The following COL11A1 variants were observed in gnomAD, a reference collection of about 807,000 sequenced individuals.
COL11A1 encodes collagen type XI alpha 1 chain, also known as collagen alpha-1(XI) chain.
COL11A1 carries 74 observed loss-of-function variants against 265.2 expected under a neutral mutation model. That is an observed-to-expected ratio of 0.28 (90% CI 0.23 to 0.34). The LOEUF is 0.34. Among genes scored for constraint, COL11A1 ranks in the 10% least tolerant of loss-of-function variants. COL11A1 has a pLI of 1.00. For synonymous variants in COL11A1, 816 were observed against 727.6 expected (o/e 1.12, Z -1.96); for missense variants, 2,165 against 2,263.6 (o/e 0.96, Z 0.88).
chr1:102,983,932 T>C (rs761644306), intron 31 of COL11A1, among the ~76,000 whole-genome samples: 28 of 152,120 alleles, frequency 1.8e-4, no homozygotes, highest in Non-Finnish European at 5.9e-5. Flanking sequence ...TCATGATTCC[T>C]TCTCCTAAAA....
rs1045211301 is a variant in COL11A1 at position 102,913,470 on chromosome 1, T to G, written c.4032+167A>C. ...TTTACATCAAATAAGAAACACTCCA[T>G]GTAAGATTGATTTTTAATGGGAATT... On this transcript the variant is annotated intron_variant, in intron 53 of 66. Coordinates refer to ENST00000370096, the MANE Select transcript of COL11A1 (RefSeq NM_001854.4). Among the ~76,000 whole-genome samples, 72 of 152,162 alleles carry G rather than the reference T, an allele frequency of 4.7e-4. 1 individual carries two copies. Among genetic ancestry groups the G allele is most frequent in the Non-Finnish European group, 8.8e-5 (6 of 68,020 alleles).
At chr1:103,063,072 C>A (rs962610724) in intron 4 of COL11A1, among the ~76,000 whole-genome samples, 1 of 151,928 alleles carries the variant, frequency 6.6e-6, no homozygotes, top group Non-Finnish European at 1.5e-5. Flanking sequence ...TATCGAACAA[C>A]TTTAAAAATA....
At chr1:102,928,273 C>G (rs1365917628) in intron 46 of COL11A1, among the ~76,000 whole-genome samples, 1 of 151,128 alleles carries the variant, frequency 6.6e-6, no homozygotes, top group East Asian at 2.0e-4. Flanking sequence ...ACCACAGTCC[C>G]CAGAGTGTGA....
At chr1:102,927,512 C>G (rs1014361482) in intron 46 of COL11A1, among the ~76,000 whole-genome samples, 10 of 152,076 alleles carry the variant, frequency 6.6e-5, no homozygotes, top group Admixed American at 2.0e-4. Context: ...GTCAGGAGAT[C>G]GAGACCATCC....
chr1:102,999,330 A>AT lies in COL11A1; in HGVS notation c.2143-968dup, dbSNP rs574471611. Among the ~76,000 whole-genome samples the AT allele has an allele frequency of 7.3e-4, 111 of 152,086 alleles. 1 individual carries two copies. Among genetic ancestry groups the AT allele is most frequent in the African/African-American group, 2.6e-3 (106 of 41,562 alleles). On this transcript the variant is annotated intron_variant, in intron 24 of 66. Coordinates refer to ENST00000370096, the MANE Select transcript of COL11A1 (RefSeq NM_001854.4). ...GTAACCTTTAAATTGAAAAGTGAAGATTTTTTAACCAAATGTGGCAGCGTT... is the reference window on the plus strand; with the variant it reads ...GTAACCTTTAAATTGAAAAGTGAAGATTTTTTTAACCAAATGTGGCAGCGTT...
intron 4 of COL11A1, among the ~76,000 whole-genome samples, chr1:103,045,047 A>G (rs539570502): frequency 2.0e-5 from 3 of 152,168 alleles, no homozygotes; most frequent in South Asian, 4.1e-4. Context: ...CAGAAGGACT[A>G]ATGAATGTCC....
At chr1:103,021,849 T>C (rs369284675) in intron 8 of COL11A1, 80 bp from the exon 9 acceptor site, 11 of 891,554 alleles carry the variant, frequency 1.2e-5, no homozygotes, top group African/African-American at 3.6e-5. Context: ...TTTTTTTTTT[T>C]CTTTCTTTCT....
intron 1 of COL11A1, among the ~76,000 whole-genome samples, chr1:103,094,859 T>C (rs1442006301): frequency 6.6e-6 from 1 of 152,080 alleles, no homozygotes; most frequent in Non-Finnish European, 1.5e-5. Flanking sequence ...TATACATGGA[T>C]TTTCAATGCA....
chr1:102,952,088 G>A (rs1659943396), intron 41 of COL11A1, among the ~76,000 whole-genome samples: 4 of 152,088 alleles, frequency 2.6e-5, no homozygotes, highest in Admixed American at 6.6e-5. Context: ...AATGTGTGTA[G>A]TTTGTAGATA....
rs34228277 is a variant in COL11A1, at chr1:102,914,823, T to TAAAA, written c.3817-16_3817-13dup. On this transcript the variant is annotated splice_polypyrimidine_tract_variant and intron_variant, in intron 50 of 66. Coordinates refer to ENST00000370096, the MANE Select transcript of COL11A1 (RefSeq NM_001854.4). ...TCTCCTTTGGGACCCTAAACAATGT[T>TAAAA]AAAAAAAAAAAAAGAAGAAGAAGGA... 100 of 1,269,148 alleles carry TAAAA rather than the reference T, an allele frequency of 7.9e-5. No homozygotes were observed. Among genetic ancestry groups the TAAAA allele is most frequent in the Non-Finnish European group, 9.9e-5 (89 of 903,400 alleles). The allele number at this position is 1,269,148 out of a possible 1,614,324, so 78.6% of individuals were successfully genotyped here.
chr1:103,088,957 C>T (rs575275449), intron 1 of COL11A1, among the ~76,000 whole-genome samples: 2 of 152,028 alleles, frequency 1.3e-5, no homozygotes, highest in South Asian at 4.2e-4. Flanking sequence ...GAGCCATCTC[C>T]AATAAAAACT....
intron 1 of COL11A1, chr1:103,100,642 C>T (rs1240898408): frequency 6.6e-6 from 1 of 151,920 alleles, no homozygotes; most frequent in Non-Finnish European, 1.5e-5. Context: ...GGTTTAGCTG[C>T]ATGATGTGTA....
In COL11A1 at chr1:102,946,877, G is replaced by A; in HGVS notation, c.3248C>T (p.Pro1083Leu). ...AGCACCTTTCTCTCCAGCTGGACCA[G>A]GAGGACCCTGAGGTCCCGGGCGCCC... is the stretch of plus-strand genomic sequence containing the variant. The part of the protein sequence containing the change: ...LPGRPGPQGP[P>L]GPAGEKGAPG... Residue 1083 changes from proline (P) to leucine (L), a missense_variant, in exon 42 of 67, where the codon CCT becomes CTT. Transcript: ENST00000370096. 6.2e-7 allele frequency: 1 copy of A among 1,613,512 alleles called. No homozygotes were observed. Among genetic ancestry groups the A allele is most frequent in the Non-Finnish European group, 8.5e-7 (1 of 1,179,822 alleles).
At chr1:102,945,770 C>A (rs1015487052) in intron 42 of COL11A1, among the ~76,000 whole-genome samples, 4 of 151,904 alleles carry the variant, frequency 2.6e-5, no homozygotes, top group African/African-American at 9.7e-5. Context: ...GAAATCTTAA[C>A]AAAGAAACCT....
At chr1:102,899,862 T>C (rs1652963981) in intron 54 of COL11A1, among the ~76,000 whole-genome samples, 1 of 152,164 alleles carries the variant, frequency 6.6e-6, no homozygotes, top group Non-Finnish European at 1.5e-5. Context: ...GCCATATTAA[T>C]ATTTTAATGG....
At chr1:102,928,243 C>T (rs909899995) in intron 46 of COL11A1, among the ~76,000 whole-genome samples, 70 of 150,492 alleles carry the variant, frequency 4.7e-4, no homozygotes, top group Non-Finnish European at 8.2e-4. Flanking sequence ...AATGCTATCC[C>T]TCCCCTCTCC....
At chr1:103,065,757 AG>A in intron 4 of COL11A1, among the ~76,000 whole-genome samples, 1 of 152,172 alleles carries the variant, frequency 6.6e-6, no homozygotes, top group East Asian at 1.9e-4. Context: ...TAAAGAGTGA[AG>A]GCTTCCTAAA....
intron 4 of COL11A1, among the ~76,000 whole-genome samples, chr1:103,053,911 G>A (rs1670028740): frequency 6.6e-6 from 1 of 152,092 alleles, no homozygotes; most frequent in Non-Finnish European, 1.5e-5. Flanking sequence ...CCTCCTTTTA[G>A]AAAGAACAAC....
At chr1:103,064,363 C>T (rs1416112742) in intron 4 of COL11A1, among the ~76,000 whole-genome samples, 1 of 151,882 alleles carries the variant, frequency 6.6e-6, no homozygotes, top group Non-Finnish European at 1.5e-5. Context: ...TGTTATTCAG[C>T]AGTAAGAAGA....
Sources: gnomAD v4.1 joint callset for allele counts (sites outside exome capture counted in the v4.1 genomes callset) on GRCh38, gnomAD v4.1.1 for gene constraint, MANE v1.5 for transcripts, NCBI Gene and HGNC (gene_info 2026-07-23, HGNC 2026-07-21) for gene names.